The following PRDM11 variants were observed in gnomAD, a reference collection of about 807,000 sequenced individuals.
The protein encoded by PRDM11 is PR/SET domain 11.
A neutral mutation model predicts 97.8 loss-of-function variants in PRDM11; 20 were observed. That is an observed-to-expected ratio of 0.20 (90% CI 0.14 to 0.30). The LOEUF is 0.30. Among genes scored for constraint, PRDM11 ranks in the 10% least tolerant of loss-of-function variants. The probability of loss-of-function intolerance (pLI) is 1.00; values close to 1 mark genes in which losing one functional copy is unlikely to be tolerated. For synonymous variants in PRDM11, 599 were observed against 637.7 expected, an observed-to-expected ratio of 0.94 and a Z score of 0.91; for missense variants, 1,139 against 1,555.2, an observed-to-expected ratio of 0.73 and a Z score of 4.50.
chr11:45,116,082 T>C (rs1047209847), intron 1 of PRDM11, among the ~76,000 whole-genome samples: 1 of 151,898 alleles, frequency 6.6e-6, no homozygotes, highest in African/African-American at 2.4e-5. Context: ...ATCAGAAAGG[T>C]GTAACAATTA....
At chr11:45,185,861 G>C (rs781674337) in intron 4 of PRDM11, among the ~76,000 whole-genome samples, 3 of 151,996 alleles carry the variant, frequency 2.0e-5, no homozygotes, top group African/African-American at 4.8e-5. Context: ...AGATGGGAGC[G>C]ATGATCTTGG....
Position 45,137,429 on chromosome 11 carries a change from CA to C in PRDM11, c.96+41539del, listed in dbSNP as rs143576245. The stretch of plus-strand genomic sequence containing the variant: ...GCCTGAGTGACAAGAGACTCCGTCT[CA>C]AAAAAAAAAAGAAAAAAGAAAAGAA... On this transcript the variant is annotated intron_variant, in intron 1 of 6. Coordinates refer to the PRDM11 transcript ENST00000530656. 2.2e-3 allele frequency among the ~76,000 whole-genome samples: 313 copies of C among 140,100 alleles called. 3 individuals carry two copies. The highest frequency in any genetic ancestry group is 0.015 in the South Asian group (66 of 4,312). The allele number at this position is 140,100 out of a possible 152,430, so 91.9% of individuals were successfully genotyped here.
At chr11:45,181,651 G>A (rs979891306) in intron 1 of PRDM11, 110 bp from the exon 2 acceptor site, 2 of 803,282 alleles carry the variant, frequency 2.5e-6, no homozygotes, top group South Asian at 1.7e-5. Context: ...GGGATGGCAG[G>A]GAGGGTAACC....
rs1854370664 is a variant in PRDM11, at chr11:45,230,079, C to G, written c.*1920C>G. On this transcript the variant is annotated 3_prime_UTR_variant, in exon 8 of 8. Coordinates refer to ENST00000683152, the MANE Select transcript of PRDM11 (RefSeq NM_001384648.1). Reference sequence around the variant, plus strand: ...CTCCATGGTCTTGGTGCTAAGATAACTTTAGAATCATTGCTGCTAGTCAAT... The same window carrying G: ...CTCCATGGTCTTGGTGCTAAGATAAGTTTAGAATCATTGCTGCTAGTCAAT... 1.3e-5 allele frequency: 2 copies of G among 151,614 alleles called. No homozygotes were observed. Among genetic ancestry groups the G allele is most frequent in the African/African-American group, 4.8e-5 (2 of 41,258 alleles). The allele number at this position is 151,614 out of a possible 1,614,324, so 9.4% of individuals were successfully genotyped here.
chr11:45,104,096 C>A lies in PRDM11; in HGVS notation c.96+8195C>A, dbSNP rs560141616. Among the ~76,000 whole-genome samples the A allele has an allele frequency of 2.0e-5, 3 of 152,364 alleles. No homozygotes were observed. The East Asian group carries it at 5.8e-4, about 29-fold the overall frequency. ...TTTTCGCCTGGGCATAGCCCTCAAG[C>A]TAGGATAGGCTGAGCAGGGCCCAGG... On this transcript the variant is annotated intron_variant, in intron 1 of 6. Coordinates refer to the PRDM11 transcript ENST00000530656.
chr11:45,194,219 G>A (rs948884955), intron 4 of PRDM11, among the ~76,000 whole-genome samples: 2 of 152,092 alleles, frequency 1.3e-5, no homozygotes, highest in African/African-American at 4.8e-5. Flanking sequence ...AATCTCATGA[G>A]GATTCCCGCA....
At chr11:45,137,539 C>T (rs1202229815) in intron 1 of PRDM11, among the ~76,000 whole-genome samples, 7 of 152,146 alleles carry the variant, frequency 4.6e-5, no homozygotes, top group African/African-American at 1.4e-4. Flanking sequence ...TTGCTTGAGC[C>T]CAAGAGTTCC....
At chr11:45,120,270 G>A (rs1852401391) in intron 1 of PRDM11, among the ~76,000 whole-genome samples, 1 of 152,148 alleles carries the variant, frequency 6.6e-6, no homozygotes, top group African/African-American at 2.4e-5. Flanking sequence ...ACACATATGT[G>A]GAGTATCAGA....
intron 1 of PRDM11, among the ~76,000 whole-genome samples, chr11:45,104,119 A>C (rs1565221999): frequency 6.6e-6 from 1 of 152,242 alleles, no homozygotes; most frequent in Non-Finnish European, 1.5e-5. Flanking sequence ...AGCAGGGCCC[A>C]GGGCAACAGA....
intron 1 of PRDM11, among the ~76,000 whole-genome samples, chr11:45,097,002 A>C (rs1851894741): frequency 6.6e-6 from 1 of 152,226 alleles, no homozygotes; most frequent in Admixed American, 6.5e-5. Context: ...AACGGGGATA[A>C]TGAGGCTACC....
At chr11:45,222,848 A>C (rs897555347) in intron 6 of PRDM11, among the ~76,000 whole-genome samples, 1 of 152,220 alleles carries the variant, frequency 6.6e-6, no homozygotes, top group Non-Finnish European at 1.5e-5. Context: ...GTTCAGCGGC[A>C]CATCACCTAG....
chr11:45,146,183 G>C (rs1362093492), upstream of PRDM11, among the ~76,000 whole-genome samples: 1 of 152,158 alleles, frequency 6.6e-6, no homozygotes, highest in Non-Finnish European at 1.5e-5. Flanking sequence ...AAACTGCTGA[G>C]CATTCAAAGG....
intron 1 of PRDM11, among the ~76,000 whole-genome samples, chr11:45,155,062 G>C (rs1353760961): frequency 6.6e-6 from 1 of 151,950 alleles, no homozygotes; most frequent in Non-Finnish European, 1.5e-5. Context: ...CTTCCCCCAG[G>C]CTTGTGTCAG....
At chr11:45,195,145 G>T (rs1274163007) in intron 4 of PRDM11, among the ~76,000 whole-genome samples, 1 of 152,032 alleles carries the variant, frequency 6.6e-6, no homozygotes, top group Admixed American at 6.6e-5. Flanking sequence ...ACGTAAGATC[G>T]TTCCCTTCTC....
At chr11:45,193,483 A>G (rs951955371) in intron 4 of PRDM11, among the ~76,000 whole-genome samples, 4 of 152,210 alleles carry the variant, frequency 2.6e-5, no homozygotes, top group Non-Finnish European at 4.4e-5. Context: ...TTTGCACACT[A>G]TACAGTGTCT....
intron 1 of PRDM11, among the ~76,000 whole-genome samples, chr11:45,118,736 C>A (rs570821396): frequency 6.6e-6 from 1 of 152,356 alleles, no homozygotes; most frequent in South Asian, 2.1e-4. Context: ...TACTGTAACT[C>A]ATTTCATATT....
At position 45,227,457 on chromosome 11, in the gene PRDM11, C is replaced by G; in HGVS notation, c.2832C>G (p.Ile944Met). 1 of 1,533,824 alleles carries G rather than the reference C, an allele frequency of 6.5e-7. No individual in the cohort carries two copies. The highest frequency in any genetic ancestry group is 8.7e-7 in the Non-Finnish European group (1 of 1,146,734). The change falls in exon 8 of 8, where the codon ATC becomes ATG. Residue 944 changes from isoleucine to methionine, a missense_variant. By Grantham distance (10) the Ile-to-Met change is conservative. This residue lies in a region of PRDM11 where 710 missense variants were observed against 1,044.9 expected (regional missense o/e 0.68). Coordinates refer to ENST00000683152, the MANE Select transcript of PRDM11 (RefSeq NM_001384648.1). This position sits in a 1 kb window ranked among gnomAD's most constrained non-coding sequence, Gnocchi z 8.0. ...ATTTCCGAGAGAGCTTCAACGGGAT[C>G]GCCATGAAGAACCTCAGGGTGGCTG... is the stretch of plus-strand genomic sequence containing the variant. Reference protein sequence around the residue: ...EENFRESFNGIAMKNLRVAEA... With the variant: ...EENFRESFNGMAMKNLRVAEA...
At chr11:45,179,258 A>G (rs1206189543) in intron 1 of PRDM11, among the ~76,000 whole-genome samples, 1 of 152,220 alleles carries the variant, frequency 6.6e-6, no homozygotes, top group Non-Finnish European at 1.5e-5. Context: ...AATGGAGAGA[A>G]TTTGAAGCCA....
chr11:45,196,634 C>G (rs541452591), intron 4 of PRDM11, among the ~76,000 whole-genome samples: 1 of 152,312 alleles, frequency 6.6e-6, no homozygotes, highest in Admixed American at 6.5e-5. Context: ...CCCCAAGGGT[C>G]CAAACTAGTA....
Sources: gnomAD v4.1 joint callset for allele counts (sites outside exome capture counted in the v4.1 genomes callset) on GRCh38, gnomAD v4.1.1 for gene constraint, gnomAD v4.1.1 regional missense constraint, Gnocchi (gnomAD v3.1) non-coding constraint, MANE v1.5 for transcripts, NCBI Gene and HGNC (gene_info 2026-07-23, HGNC 2026-07-21) for gene names.